The following ERCC3 variants were observed in gnomAD, a reference collection of about 807,000 sequenced individuals.
ERCC3 encodes the protein general transcription and DNA repair factor IIH helicase/translocase subunit XPB.
ERCC3 carries 66 observed loss-of-function variants against 94.2 expected under a neutral mutation model. The ratio of observed to expected loss-of-function variants is 0.70; its 90% CI spans 0.57 to 0.86. The LOEUF is 0.86. Ranked by LOEUF, ERCC3 falls within the 40% of genes least tolerant of loss-of-function variation. The pLI, the probability that ERCC3 is intolerant of heterozygous loss-of-function variation, is 0.00. For synonymous variants in ERCC3, 349 were observed against 369.1 expected (o/e 0.95, Z 0.63); for missense variants, 829 against 987.1 (o/e 0.84, Z 2.15).
intron 1 of ERCC3, 42 bp downstream of exon 1, chr2:127,294,012 G>C (rs1194467038): frequency 6.3e-7 from 1 of 1,599,466 alleles, no homozygotes; most frequent in South Asian, 1.1e-5. Flanking sequence ...GGCAGGGCCG[G>C]CAAGGGCAGT....
chr2:127,259,616 A>G lies in ERCC3; in HGVS notation c.2065-168T>C. ...TAGCATTCCAGAGACCAGCATCAGG[A>G]GCCGCCTTTAACAGGGAGCTTGACT... is the stretch of plus-strand genomic sequence containing the variant. On this transcript the variant is annotated intron_variant, in intron 13 of 14. Coordinates refer to ENST00000285398, the MANE Select transcript of ERCC3 (RefSeq NM_000122.2). This position sits in a 1 kb window ranked among gnomAD's most constrained non-coding sequence, Gnocchi z 4.9. 1 of 807,188 alleles carries G rather than the reference A, an allele frequency of 1.2e-6. No homozygotes were observed. The highest frequency in any genetic ancestry group is 2.1e-6 in the Non-Finnish European group (1 of 477,732). 50.0% of individuals were successfully genotyped at this position (807,188 alleles called of 1,614,324 possible).
At chr2:127,287,842 C>T (rs926300770) in intron 7 of ERCC3, among the ~76,000 whole-genome samples, 11 of 152,012 alleles carry the variant, frequency 7.2e-5, no homozygotes, top group Non-Finnish European at 1.6e-4. Flanking sequence ...ATTCCAGGAG[C>T]TTCTGAGTTT....
rs554880985 is a variant in ERCC3 at position 127,280,554 on chromosome 2, C to T, written c.1420G>A (p.Asp474Asn). The T allele has an allele frequency of 6.2e-7, 1 of 1,614,238 alleles. No individual in the cohort carries two copies. The highest frequency in any genetic ancestry group is 2.2e-5 in the East Asian group (1 of 44,894). Residue 474 changes from aspartate to asparagine, a missense_variant, in exon 9 of 15, where the codon GAT (aspartate) becomes AAT (asparagine). Transcript: ENST00000285398. This position sits in a 1 kb window ranked among gnomAD's most constrained non-coding sequence, Gnocchi z 6.3. ...LGLTATLVRE[D>N]DKIVDLNFLI... ...AAATTTAAATCCACAATTTTGTCAT[C>T]TTCGCGGACGAGGGTCGCAGTCAAA...
chr2:127,260,495 T>C (rs1490907221), intron 13 of ERCC3: 2 of 152,404 alleles, frequency 1.3e-5, no homozygotes. Context: ...GAAGTGTCAC[T>C]GCCTCTAGCT....
chr2:127,294,086 G>C lies in ERCC3; in HGVS notation c.-5C>G. On this transcript the variant is annotated 5_prime_UTR_variant, in exon 1 of 15. Coordinates refer to ENST00000285398, the MANE Select transcript of ERCC3 (RefSeq NM_000122.2). ...CGCTCGGTCTCTTTTGCCCATGGCAGCTACAGCAGCAGAGAGAAGATGACC... is the reference window on the plus strand; with the variant it reads ...CGCTCGGTCTCTTTTGCCCATGGCACCTACAGCAGCAGAGAGAAGATGACC... 6.2e-7 allele frequency: 1 copy of C among 1,607,568 alleles called. No homozygotes were observed. Among genetic ancestry groups the C allele is most frequent in the Non-Finnish European group, 8.5e-7 (1 of 1,179,512 alleles).
intron 7 of ERCC3, among the ~76,000 whole-genome samples, chr2:127,287,827 A>C (rs1378032533): frequency 6.6e-6 from 1 of 152,136 alleles, no homozygotes; most frequent in Admixed American, 6.5e-5. Flanking sequence ...TACAGAGAAA[A>C]TGAAATTCCA....
Position 127,293,717 on chromosome 2 carries a change from G to A in ERCC3, c.30C>T (p.Asp10=), listed in dbSNP as rs1466894565. The A allele has an allele frequency of 2.5e-6, 4 of 1,611,354 alleles. No homozygotes were observed. In the African/African-American group the frequency reaches 5.3e-5, roughly 22 times the overall value. The change falls in exon 2 of 15, where the codon GAC becomes GAT. Residue 10 remains aspartate (D), a splice_region_variant and synonymous_variant. Transcript: ENST00000285398. MGKRDRADR[D]KKKSRKRHYE... Reference sequence around the variant, plus strand: ...AGTGCCGCTTCCTGGATTTCTTCTTGTCTGCAAGATACCAACACAGAAGTA... The same window carrying A: ...AGTGCCGCTTCCTGGATTTCTTCTTATCTGCAAGATACCAACACAGAAGTA...
Position 127,290,566 on chromosome 2 carries a change from C to T in ERCC3, c.472-293G>A, listed in dbSNP as rs62157544. ...CCTTTCCTCTCTATTCCCACAGCCC[C>T]CACCCTAGTCTAGAGAAGACCACAC... On this transcript the variant is annotated intron_variant, in intron 3 of 14. Coordinates refer to ENST00000285398, the MANE Select transcript of ERCC3 (RefSeq NM_000122.2). 0.045 allele frequency: 21,287 copies of T among 471,628 alleles called. 673 individuals carry two copies. Among genetic ancestry groups the T allele is most frequent in the Admixed American group, 0.085 (2,583 of 30,480 alleles). The allele number at this position is 471,628 out of a possible 1,614,324, so 29.2% of individuals were successfully genotyped here. A position where few individuals can be genotyped will look rare whatever the true frequency, so the allele number is the denominator to read the frequency against.
intron 12 of ERCC3, among the ~76,000 whole-genome samples, chr2:127,268,162 C>T (rs1398621301): frequency 6.6e-6 from 1 of 152,092 alleles, no homozygotes; most frequent in Non-Finnish European, 1.5e-5. Flanking sequence ...CCATGTTGGC[C>T]AGGCTGGTCT....
At position 127,284,558 on chromosome 2, in the gene ERCC3, G is replaced by A. The variant is rs1350623556; in HGVS notation, c.1342+2145C>T. Among the ~76,000 whole-genome samples the A allele has an allele frequency of 6.6e-6, 1 of 152,186 alleles. No individual in the cohort carries two copies. The highest frequency in any genetic ancestry group is 1.5e-5 in the Non-Finnish European group (1 of 68,038). ...CCCATCAGGGCTGAAGAGCTCTCAT[G>A]CACAGAAAGAACCAGATGCTGGGGC... On this transcript the variant is annotated intron_variant, in intron 8 of 14. Transcript: ENST00000285398. This position sits in a 1 kb window ranked among gnomAD's most constrained non-coding sequence, Gnocchi z 4.1.
chr2:127,266,971 C>T (rs1573934883), intron 12 of ERCC3, among the ~76,000 whole-genome samples: 2 of 152,254 alleles, frequency 1.3e-5, no homozygotes. Context: ...CGGCCTCAGC[C>T]TCCCAAAGTG....
rs1281392223 is a variant in ERCC3 at position 127,274,168 on chromosome 2, AG to A, written c.1731-1208del. Among the ~76,000 whole-genome samples the A allele has an allele frequency of 6.6e-6, 1 of 151,974 alleles. No individual in the cohort carries two copies. Among genetic ancestry groups the A allele is most frequent in the Admixed American group, 6.6e-5 (1 of 15,254 alleles). On this transcript the variant is annotated intron_variant, in intron 10 of 14. Coordinates refer to ENST00000285398, the MANE Select transcript of ERCC3 (RefSeq NM_000122.2). The surrounding 1 kb of genome is among the most constrained non-coding windows in gnomAD (Gnocchi z 4.0). ...ATCTCTACTAAAAATAAAAAAAATTAGCTGGGTATGGTGGTGGGCACCTATA... is the reference window on the plus strand; with the variant it reads ...ATCTCTACTAAAAATAAAAAAAATTACTGGGTATGGTGGTGGGCACCTATA...
chr2:127,270,699 C>T (rs148281179), intron 12 of ERCC3, among the ~76,000 whole-genome samples: 4 of 152,302 alleles, frequency 2.6e-5, no homozygotes, highest in Non-Finnish European at 5.9e-5. Context: ...AAGACAGACA[C>T]GGCCATCTCT....
At chr2:127,287,353 CAT>C (rs1558961235) in intron 7 of ERCC3, among the ~76,000 whole-genome samples, 2 of 152,160 alleles carry the variant, frequency 1.3e-5, no homozygotes, top group African/African-American at 2.4e-5. Flanking sequence ...GCTGAGCCAC[CAT>C]GCCACGGTGG....
At chr2:127,275,229 T>C (rs1199972755) in intron 10 of ERCC3, among the ~76,000 whole-genome samples, 2 of 151,970 alleles carry the variant, frequency 1.3e-5, no homozygotes, top group Admixed American at 6.6e-5. Flanking sequence ...GGGGTCTCAC[T>C]ATATTGCCCA....
At chr2:127,263,739 G>A (rs1332611789) in intron 12 of ERCC3, among the ~76,000 whole-genome samples, 4 of 147,036 alleles carry the variant, frequency 2.7e-5, no homozygotes, top group African/African-American at 5.0e-5. Context: ...ACGGAGTCTC[G>A]CTCTGTCGCC....
At chr2:127,282,865 C>T (rs959793271) in intron 8 of ERCC3, among the ~76,000 whole-genome samples, 1 of 152,092 alleles carries the variant, frequency 6.6e-6, no homozygotes, top group Non-Finnish European at 1.5e-5. Flanking sequence ...CATCAGATAA[C>T]CAATCCCAAA....
In ERCC3 at chr2:127,291,569, T is replaced by C. The variant is rs769913097; in HGVS notation, c.471+1041A>G. Among the ~76,000 whole-genome samples, 2 of 152,142 alleles carry C rather than the reference T, an allele frequency of 1.3e-5. No homozygotes were observed. The highest frequency in any genetic ancestry group is 2.9e-5 in the Non-Finnish European group (2 of 68,018). ...AGCCACTGCACCTGGCCGGGCACGCTTTCACATCACAGGAAAAGAGAGTTC... is the reference window on the plus strand; with the variant it reads ...AGCCACTGCACCTGGCCGGGCACGCCTTCACATCACAGGAAAAGAGAGTTC... On this transcript the variant is annotated intron_variant, in intron 3 of 14. Transcript: ENST00000285398. This position sits in a 1 kb window ranked among gnomAD's most constrained non-coding sequence, Gnocchi z 4.9.
intron 12 of ERCC3, among the ~76,000 whole-genome samples, chr2:127,265,322 A>G (rs1439891032): frequency 2.0e-5 from 3 of 151,994 alleles, no homozygotes; most frequent in Non-Finnish European, 4.4e-5. Flanking sequence ...AATCTTTTGT[A>G]TTTCTGGGGA....
Sources: allele counts gnomAD v4.1 joint callset (sites outside exome capture counted in the v4.1 genomes callset), GRCh38; gene constraint gnomAD v4.1.1; non-coding constraint Gnocchi (gnomAD v3.1); transcripts MANE v1.5; gene names NCBI Gene and HGNC (gene_info 2026-07-23, HGNC 2026-07-21).